The following H3-7 variants were observed in gnomAD, a reference collection of about 807,000 sequenced individuals.
H3-7 encodes H3.7 histone (putative), also known as histone H3-7.
chr1:143,905,308 C>G, the H3-7 span, among the ~76,000 whole-genome samples: 279 of 139,422 alleles, frequency 2.0e-3, 23 homozygotes, highest in Middle Eastern at 7.1e-3. Context: ...AGCCGGACCT[C>G]TAGCCTTAAA....
the H3-7 span, chr1:143,905,640 G>T: frequency 9.7e-5 from 154 of 1,582,854 alleles, 17 homozygotes; most frequent in East Asian, 2.7e-3. Flanking sequence ...TGGCGCACAG[G>T]TTCGTGTCTT....
chr1:143,905,804 A>G, the H3-7 span: 1 of 1,582,186 alleles, frequency 6.3e-7, no homozygotes, highest in South Asian at 1.1e-5. Context: ...GACTTCTGAT[A>G]GCGCCGGATC....
the H3-7 span, among the ~76,000 whole-genome samples, chr1:143,902,835 G>A: frequency 6.8e-6 from 1 of 146,264 alleles, no homozygotes; most frequent in Admixed American, 6.9e-5. Flanking sequence ...CAACCACCTC[G>A]TCAGGTCCCA....
the H3-7 span, chr1:143,905,816 C>T: frequency 6.3e-7 from 1 of 1,582,230 alleles, no homozygotes; most frequent in African/African-American, 1.3e-5. Context: ...CGCCGGATCT[C>T]CCGCAGAGCC....
the H3-7 span, chr1:143,905,432 C>T: frequency 7.8e-6 from 6 of 766,584 alleles, no homozygotes; most frequent in Admixed American, 2.9e-5. Context: ...ACCACGAGTG[C>T]CCCTGGCCCC....
the H3-7 span, chr1:143,904,451 G>C: frequency 1.9e-6 from 3 of 1,590,288 alleles, no homozygotes; most frequent in South Asian, 1.1e-5. Flanking sequence ...TGCCGGTGTC[G>C]GGGTGGACCT....
the H3-7 span, among the ~76,000 whole-genome samples, chr1:143,903,948 C>G: frequency 6.8e-6 from 1 of 146,634 alleles, no homozygotes; most frequent in Non-Finnish European, 1.5e-5. Context: ...CCAAATATCC[C>G]AGAACGAGTC....
At chr1:143,904,001 A>C in the H3-7 span, among the ~76,000 whole-genome samples, 1 of 145,812 alleles carries the variant, frequency 6.9e-6, no homozygotes, top group African/African-American at 2.5e-5. Flanking sequence ...GCAACTCAGT[A>C]AGACTAGACG....
chr1:143,905,904 C>T, the H3-7 span: 13 of 1,580,186 alleles, frequency 8.2e-6, no homozygotes, highest in Admixed American at 1.5e-4. Context: ...CTTTGGTAGC[C>T]AGCTGCTTCC....
At chr1:143,905,875 GGC>G in the H3-7 span, 1 of 1,580,570 alleles carries the variant, frequency 6.3e-7, no homozygotes, top group Non-Finnish European at 8.7e-7. Context: ...GCCCGTGGCC[GGC>G]GCGCTCTTGC....
At chr1:143,904,867 G>A in the H3-7 span, among the ~76,000 whole-genome samples, 1 of 144,830 alleles carries the variant, frequency 6.9e-6, no homozygotes, top group African/African-American at 2.5e-5. Flanking sequence ...CCAGTTTTAA[G>A]CTAGGTGAAG....
the H3-7 span, chr1:143,905,832 G>A: frequency 1.9e-6 from 3 of 1,582,158 alleles, no homozygotes; most frequent in Non-Finnish European, 2.6e-6. Flanking sequence ...GAGCCACGGT[G>A]CCGGGCCGGT....
At chr1:143,902,765 C>T in the H3-7 span, among the ~76,000 whole-genome samples, 1 of 142,172 alleles carries the variant, frequency 7.0e-6, no homozygotes. Context: ...ACCCACAGGT[C>T]GATTAACATG....
the H3-7 span, chr1:143,904,658 A>G: frequency 6.4e-7 from 1 of 1,553,604 alleles, no homozygotes; most frequent in Non-Finnish European, 8.8e-7. Context: ...ACTACCGCAA[A>G]ACGGGCTGGT....
chr1:143,904,338 G>A, the H3-7 span: 3 of 1,582,644 alleles, frequency 1.9e-6, 1 homozygote, highest in Non-Finnish European at 2.6e-6. Context: ...GGACGTGATG[G>A]TGGAGCGCTT....
the H3-7 span, among the ~76,000 whole-genome samples, chr1:143,903,917 G>T: frequency 6.9e-6 from 1 of 145,358 alleles, no homozygotes; most frequent in Non-Finnish European, 1.5e-5. Flanking sequence ...ACCACCCCCC[G>T]CCTCCTTCCC....
chr1:143,904,671 T>G, the H3-7 span: 1 of 1,512,280 alleles, frequency 6.6e-7, no homozygotes. Context: ...GGGCTGGTTA[T>G]GCGCTACTTA....
At chr1:143,904,016 T>C in the H3-7 span, among the ~76,000 whole-genome samples, 4 of 145,054 alleles carry the variant, frequency 2.8e-5, no homozygotes, top group Admixed American at 2.8e-4. Flanking sequence ...TAGACGGGGA[T>C]GACTGAGGGC....
At chr1:143,905,671 G>A in the H3-7 span, 7 of 1,582,968 alleles carry the variant, frequency 4.4e-6, no homozygotes, top group East Asian at 2.3e-5. Flanking sequence ...CACCAGGTAG[G>A]CCTCTCTGGC....
Sources: gnomAD v4.1 joint callset for allele counts (sites outside exome capture counted in the v4.1 genomes callset) on GRCh38, gnomAD v4.1.1 for gene constraint, MANE v1.5 for transcripts, NCBI Gene and HGNC (gene_info 2026-07-23, HGNC 2026-07-21) for gene names.